The following SLC9A8 variants were observed in gnomAD, a reference collection of about 807,000 sequenced individuals.
SLC9A8 encodes sodium/hydrogen exchanger 8.
SLC9A8 carries 48 observed loss-of-function variants against 66.6 expected under a neutral mutation model. The ratio of observed to expected loss-of-function variants is 0.72; its 90% CI spans 0.57 to 0.92. The LOEUF (loss-of-function observed/expected upper bound fraction) is 0.92, where lower values mean the gene tolerates loss of function less well. SLC9A8 is among the 40% of genes least tolerant of loss of function. SLC9A8 has a pLI of 0.00. For missense variants in SLC9A8, 599 were observed against 747.3 expected (o/e 0.80, Z 2.31); for synonymous variants, 274 against 282.6 (o/e 0.97, Z 0.31).
At chr20:49,828,321 A>G (rs1369555511) in intron 3 of SLC9A8, among the ~76,000 whole-genome samples, 4 of 151,684 alleles carry the variant, frequency 2.6e-5, no homozygotes, top group African/African-American at 9.7e-5. Context: ...ACATCAGGTA[A>G]TCCGCCTGCC....
chr20:49,839,410 C>T (rs537913156), intron 3 of SLC9A8, 131 bp from the exon 4 acceptor site: 10 of 494,064 alleles, frequency 2.0e-5, no homozygotes, highest in African/African-American at 1.4e-4. Context: ...CTAAAATGTA[C>T]AAAACGAAGC....
rs141972354 is a variant in SLC9A8, at chr20:49,886,356, G to C, written c.1492-396G>C. ...ACTTGATTGGCAAAAGCCTGTCCAC[G>C]GTGGAGTCCTAGCTAATAGAGCCAC... On this transcript the variant is annotated intron_variant, in intron 14 of 15. Coordinates refer to ENST00000361573, the MANE Select transcript of SLC9A8 (RefSeq NM_015266.3). The surrounding 1 kb of genome is among the most constrained non-coding windows in gnomAD (Gnocchi z 4.8). 1 of 158,804 alleles carries C rather than the reference G, an allele frequency of 6.3e-6. No homozygotes were observed. The highest frequency in any genetic ancestry group is 1.4e-5 in the Non-Finnish European group (1 of 72,662). 9.8% of individuals were successfully genotyped at this position (158,804 alleles called of 1,614,324 possible).
At chr20:49,887,779 A>G (rs372636869) in intron 15 of SLC9A8, 50 bp from the exon 16 acceptor site, 20 of 1,433,208 alleles carry the variant, frequency 1.4e-5, no homozygotes, top group East Asian at 1.2e-4. Flanking sequence ...CCTCCCTTCC[A>G]TGGCCCTGCC....
rs1260448611 is a variant in SLC9A8, at chr20:49,812,962, T to C, written c.26+14T>C. ...GGCGGAAGAGGAGTGAGTGGGCTTT[T>C]TCCCGGGCGGCGGAGGCGGCGGGGC... On this transcript the variant is annotated intron_variant, in intron 1 of 15. Coordinates refer to ENST00000361573, the MANE Select transcript of SLC9A8 (RefSeq NM_015266.3). The C allele has an allele frequency of 9.2e-6, 13 of 1,405,572 alleles. No homozygotes were observed. Among genetic ancestry groups the C allele is most frequent in the Middle Eastern group, 2.0e-4 (1 of 5,032 alleles). The allele number at this position is 1,405,572 out of a possible 1,614,324, so 87.1% of individuals were successfully genotyped here.
In SLC9A8 at chr20:49,891,597, G is replaced by A. The variant is rs539802346; in HGVS notation, c.*3661G>A. ...CTATTTTCTTGCTGTGGCCTCTGGT[G>A]CCCTTGAGTTGGTCTCCCCGGCTGC... On this transcript the variant is annotated 3_prime_UTR_variant, in exon 16 of 16. Transcript: ENST00000361573. 1 of 152,510 alleles carries A rather than the reference G, an allele frequency of 6.6e-6. No individual in the cohort carries two copies. The highest frequency in any genetic ancestry group is 1.9e-4 in the East Asian group (1 of 5,184). 9.4% of individuals were successfully genotyped at this position (152,510 alleles called of 1,614,324 possible). A position where few individuals can be genotyped will look rare whatever the true frequency, so the allele number is the denominator to read the frequency against.
At chr20:49,837,306 G>A (rs191106066) in intron 3 of SLC9A8, among the ~76,000 whole-genome samples, 205 of 88,618 alleles carry the variant, frequency 2.3e-3, no homozygotes, top group Non-Finnish European at 5.0e-3. Context: ...GGCACATGTC[G>A]TCAGGACCTC....
chr20:49,855,338 G>T (rs1004493945), intron 7 of SLC9A8, 100 bp from the exon 8 acceptor site: 3 of 1,171,056 alleles, frequency 2.6e-6, no homozygotes, highest in Non-Finnish European at 3.8e-6. Context: ...CTAGCGTGTA[G>T]TATTGCTTTC....
intron 3 of SLC9A8, chr20:49,830,244 G>A: frequency 1.0e-6 from 1 of 967,496 alleles, no homozygotes; most frequent in Non-Finnish European, 1.7e-6. Context: ...GGGATTTGGG[G>A]GCCTTGGTCT....
chr20:49,815,375 A>T (rs1011421974), intron 2 of SLC9A8, 186 bp downstream of exon 2: 18 of 433,016 alleles, frequency 4.2e-5, no homozygotes, highest in African/African-American at 3.3e-4. Flanking sequence ...TTATAAAATC[A>T]TGGTGCTTAG....
chr20:49,884,242 G>C lies in SLC9A8; in HGVS notation c.1491+176G>C, dbSNP rs11478900. On this transcript the variant is annotated intron_variant, in intron 14 of 15. Transcript: ENST00000361573. ...CACACACACACACACACACACACAC[G>C]ACACACACACACACACGACACACAC... 12 of 115,456 alleles carry C rather than the reference G, an allele frequency of 1.0e-4. 1 individual carries two copies. The highest frequency in any genetic ancestry group is 2.3e-4 in the African/African-American group (2 of 8,582). The allele number at this position is 115,456 out of a possible 1,614,324, so 7.2% of individuals were successfully genotyped here.
At chr20:49,873,482 CAA>C (rs3092533) in intron 10 of SLC9A8, among the ~76,000 whole-genome samples, 115 of 103,076 alleles carry the variant, frequency 1.1e-3, no homozygotes, top group South Asian at 2.2e-3. Flanking sequence ...ACCCTGTCTC[CAA>C]AAAAAAAAAA....
intron 10 of SLC9A8, among the ~76,000 whole-genome samples, chr20:49,870,089 A>G (rs1431558485): frequency 2.6e-5 from 4 of 152,240 alleles, no homozygotes; most frequent in African/African-American, 4.8e-5. Flanking sequence ...AGAATTTGAC[A>G]TATTGTTAAA....
Position 49,862,970 on chromosome 20 carries a change from G to A in SLC9A8, c.755G>A (p.Ser252Asn). The change falls in exon 9 of 16, where the codon AGT becomes AAT. Residue 252 changes from serine to asparagine, a missense_variant. By Grantham distance (46) the Ser-to-Asn change is conservative (BLOSUM62 1). Around this residue, in one of 2 missense-constraint regions of SLC9A8, gnomAD observed 467 missense variants for 626.5 expected, o/e 0.75. Coordinates refer to ENST00000361573, the MANE Select transcript of SLC9A8 (RefSeq NM_015266.3). ...ACAAGAAAAAATATGTCAGATGTCA[G>A]TGGGTGGCAAACATTTTTACAAGCC... The part of the protein sequence containing the change: ...GLTRKNMSDV[S>N]GWQTFLQALD... 1 of 1,613,758 alleles carries A rather than the reference G, an allele frequency of 6.2e-7. No homozygotes were observed. Among genetic ancestry groups the A allele is most frequent in the Non-Finnish European group, 8.5e-7 (1 of 1,179,618 alleles).
intron 8 of SLC9A8, among the ~76,000 whole-genome samples, chr20:49,862,553 G>A (rs1006149089): frequency 4.6e-5 from 7 of 152,090 alleles, no homozygotes; most frequent in African/African-American, 1.4e-4. Context: ...GAGCCACCAC[G>A]CCCGGCATCA....
rs2089900399 is a variant in SLC9A8 at position 49,886,594 on chromosome 20, G to T, written c.1492-158G>T. The T allele has an allele frequency of 6.3e-6, 5 of 793,382 alleles. No individual in the cohort carries two copies. In the Admixed American group the frequency reaches 1.4e-4, roughly 22 times the overall value. The allele number at this position is 793,382 out of a possible 1,614,324, so 49.1% of individuals were successfully genotyped here. ...GATGGACGTTCCTGCCTCCCTGCAG[G>T]CTCCCAGGAGGCCGTCTGCTGCCCG... On this transcript the variant is annotated intron_variant, in intron 14 of 15. Transcript: ENST00000361573. This position sits in a 1 kb window ranked among gnomAD's most constrained non-coding sequence, Gnocchi z 4.8.
chr20:49,855,561 A>C lies in SLC9A8; in HGVS notation c.693A>C (p.Ala231=). ...LVFGESILND[A]VSIVLTNTAE... is the part of the protein sequence containing the mutation. ...TTGGAGAAAGTATTCTCAACGATGC[A>C]GTCTCCATTGTTCTGACCAAGTAAG... is the stretch of plus-strand genomic sequence containing the variant. Residue 231 remains alanine (A), a synonymous_variant, in exon 8 of 16, where the codon GCA becomes GCC. Transcript: ENST00000361573. 1 of 1,614,208 alleles carries C rather than the reference A, an allele frequency of 6.2e-7. No individual in the cohort carries two copies. Among genetic ancestry groups the C allele is most frequent in the Non-Finnish European group, 8.5e-7 (1 of 1,180,022 alleles).
At chr20:49,855,712 C>G (rs2088449630) in intron 8 of SLC9A8, 131 bp downstream of exon 8, 9 of 837,190 alleles carry the variant, frequency 1.1e-5, no homozygotes, top group Admixed American at 8.3e-5. Flanking sequence ...CACCCACTCT[C>G]TTTCTCTGTA....
At chr20:49,848,198 A>G (rs191692181) in intron 5 of SLC9A8, among the ~76,000 whole-genome samples, 2 of 152,260 alleles carry the variant, frequency 1.3e-5, no homozygotes, top group East Asian at 1.9e-4. Flanking sequence ...TGCTGGGATT[A>G]CAGGTTTGAG....
intron 8 of SLC9A8, among the ~76,000 whole-genome samples, chr20:49,861,982 C>T (rs980907574): frequency 3.9e-5 from 6 of 152,026 alleles, no homozygotes; most frequent in African/African-American, 4.8e-5. Flanking sequence ...TCCTTCCTAT[C>T]GACTCCCCAG....
Sources: allele counts gnomAD v4.1 joint callset (sites outside exome capture counted in the v4.1 genomes callset), GRCh38; gene constraint gnomAD v4.1.1; regional missense constraint gnomAD v4.1.1; non-coding constraint Gnocchi (gnomAD v3.1); transcripts MANE v1.5; gene names NCBI Gene and HGNC (gene_info 2026-07-23, HGNC 2026-07-21).